Variants in MMP17 observed in about 807,000 individuals in gnomAD.
MMP17 encodes the protein matrix metallopeptidase 17, also known as matrix metalloproteinase-17.
Under a neutral mutation model 49.1 loss-of-function variants are expected in MMP17, and 54 were observed. That is an observed-to-expected ratio of 1.10 (90% CI 0.88 to 1.38). MMP17 has a LOEUF of 1.38. Ranked by LOEUF, MMP17 falls within the 40% of genes most tolerant of loss-of-function variation. MMP17 has a pLI of 0.00. For synonymous variants in MMP17, 397 were observed against 383.1 expected (o/e 1.04, Z -0.42); for missense variants, 837 against 853.7 (o/e 0.98, Z 0.24).
chr12:131,834,524 G>C (rs575871057), intron 1 of MMP17, among the ~76,000 whole-genome samples: 3 of 152,162 alleles, frequency 2.0e-5, no homozygotes, highest in Non-Finnish European at 4.4e-5. Context: ...GGGGGCAGGG[G>C]GCAGGGAGGG....
Position 131,845,174 on chromosome 12 carries a change from T to G in MMP17, c.1025T>G (p.Ile342Ser). 1 of 1,614,030 alleles carries G rather than the reference T, an allele frequency of 6.2e-7. No homozygotes were observed. The highest frequency in any genetic ancestry group is 1.1e-5 in the South Asian group (1 of 91,082). ...CSTHFDAVAQ[I>S]RGEAFFFKGK... ...ACTCACTTTGACGCGGTGGCCCAGA[T>G]CCGGGGTGAAGCTTTCTTCTTCAAA... Residue 342 changes from isoleucine (I) to serine (S), a missense_variant, in exon 7 of 10, where the codon ATC becomes AGC. Ile to Ser is a moderately radical substitution (Grantham distance 142). Transcript: ENST00000360564.
At chr12:131,829,234 G>A (rs1886670647) in intron 1 of MMP17, among the ~76,000 whole-genome samples, 2 of 152,312 alleles carry the variant, frequency 1.3e-5, no homozygotes, top group East Asian at 3.9e-4. Context: ...TCCACCCCAG[G>A]TCGGCCAGGC....
chr12:131,831,827 CTGG>C (rs1886816488), intron 1 of MMP17, among the ~76,000 whole-genome samples: 11 of 41,068 alleles, frequency 2.7e-4, no homozygotes, highest in East Asian at 2.7e-3. Context: ...TGGAGAGGAT[CTGG>C]GGGGGGACGG....
chr12:131,850,992 C>T lies in MMP17; in HGVS notation c.1530C>T (p.Pro510=), dbSNP rs1272298561. 8.3e-6 allele frequency: 13 copies of T among 1,567,016 alleles called. No homozygotes were observed. The highest frequency in any genetic ancestry group is 2.4e-5 in the East Asian group (1 of 41,786). Residue 510 remains proline, a synonymous_variant, in exon 10 of 10, where the codon CCC becomes CCT. Coordinates refer to ENST00000360564, the MANE Select transcript of MMP17 (RefSeq NM_016155.7). The stretch of plus-strand genomic sequence containing the variant: ...TGGATGGCGAGCTGGAGGTGGCACC[C>T]GGGTACCCACAGTCCACGGCCCGGG... ...KVLDGELEVA[P]GYPQSTARDW... is the part of the protein sequence containing the mutation.
At chr12:131,828,704 T>C in intron 1 of MMP17, 51 bp downstream of exon 1, 1 of 207,580 alleles carries the variant, frequency 4.8e-6, no homozygotes. Context: ...GAGCCGGGGG[T>C]CTCCGCGGGC....
chr12:131,835,797 C>T (rs1432132503), intron 1 of MMP17, among the ~76,000 whole-genome samples: 1 of 152,182 alleles, frequency 6.6e-6, no homozygotes, highest in Non-Finnish European at 1.5e-5. Context: ...CTATTGTAAC[C>T]ATGAGGCACA....
Position 131,828,633 on chromosome 12 carries a change from G to A in MMP17, c.139G>A (p.Glu47Lys), listed in dbSNP as rs1886634099. Residue 47 changes from glutamate (E) to lysine (K), a missense_variant, in exon 1 of 10, where the codon GAG becomes AAG. Coordinates refer to ENST00000360564, the MANE Select transcript of MMP17 (RefSeq NM_016155.7). ...CGCGCCCGCACCCGCGCCGCGCGCCGAGGACCTCAGCCTGGGAGTGGTGAG... is the reference window on the plus strand; with the variant it reads ...CGCGCCCGCACCCGCGCCGCGCGCCAAGGACCTCAGCCTGGGAGTGGTGAG... ...CAAPAPAPRA[E>K]DLSLGVEWLS... is the part of the protein sequence containing the mutation. The A allele has an allele frequency of 1.5e-6, 1 of 685,688 alleles. No individual in the cohort carries two copies. Among genetic ancestry groups the A allele is most frequent in the Non-Finnish European group, 1.8e-6 (1 of 541,942 alleles). The allele number at this position is 685,688 out of a possible 1,614,324, so 42.5% of individuals were successfully genotyped here.
intron 3 of MMP17, 184 bp from the exon 4 acceptor site, chr12:131,840,389 T>C (rs1887323662): frequency 5.1e-6 from 3 of 591,580 alleles, no homozygotes; most frequent in Admixed American, 6.1e-5. Context: ...CCGTCATCTA[T>C]CCCAGTGAAC....
chr12:131,843,543 G>A (rs150367188), intron 5 of MMP17, among the ~76,000 whole-genome samples: 9 of 152,258 alleles, frequency 5.9e-5, no homozygotes, highest in Non-Finnish European at 1.0e-4. Flanking sequence ...CACTGTGCCC[G>A]GCCCGGCTTC....
At chr12:131,850,152 G>A (rs1887902681) in intron 9 of MMP17, 93 bp downstream of exon 9, 2 of 1,448,924 alleles carry the variant, frequency 1.4e-6, no homozygotes, top group Admixed American at 4.9e-5. Context: ...TTCCCTGAAA[G>A]GAGGACGGCC....
chr12:131,847,336 C>T (rs1887760957), intron 8 of MMP17, among the ~76,000 whole-genome samples: 1 of 149,908 alleles, frequency 6.7e-6, no homozygotes. Context: ...TGGCGTGAAC[C>T]TGGGAGGCGG....
chr12:131,847,854 C>T (rs910333932), intron 8 of MMP17, among the ~76,000 whole-genome samples: 6 of 152,170 alleles, frequency 3.9e-5, no homozygotes, highest in African/African-American at 1.2e-4. Context: ...GGGTCTCTTG[C>T]CACAGGCCGT....
intron 1 of MMP17, among the ~76,000 whole-genome samples, chr12:131,833,494 G>C (rs367684537): frequency 1.2e-4 from 19 of 152,326 alleles, no homozygotes; most frequent in African/African-American, 4.1e-4. Flanking sequence ...GCTGGAGCAA[G>C]GGGGTCACTC....
chr12:131,845,262 T>C (rs11611232), intron 7 of MMP17, 35 bp from the exon 8 acceptor site: 207,942 of 1,613,220 alleles, frequency 0.13, 17,734 homozygotes, highest in African/African-American at 0.44. Context: ...GTGCAGACCG[T>C]CTCTGCAGCC....
chr12:131,833,534 G>C (rs551931087), intron 1 of MMP17, among the ~76,000 whole-genome samples: 1 of 152,338 alleles, frequency 6.6e-6, no homozygotes, highest in South Asian at 2.1e-4. Flanking sequence ...AGAGGAGGCC[G>C]GTGCAGGGGA....
intron 5 of MMP17, 61 bp downstream of exon 5, chr12:131,841,861 A>G (rs113036794): frequency 0.084 from 124,504 of 1,482,550 alleles, 5,602 homozygotes; most frequent in Middle Eastern, 0.13. Flanking sequence ...AACCCCAGGC[A>G]CCCCTGAGCA....
Position 131,841,728 on chromosome 12 carries a change from C to T in MMP17, c.811C>T (p.Gln271Ter). Reference sequence around the variant, plus strand: ...ACACTCCATCATGCGGCCGTACTACCAGGGCCCGGTGGGTGACCCGCTGCG... The same window carrying T: ...ACACTCCATCATGCGGCCGTACTACTAGGGCCCGGTGGGTGACCCGCTGCG... The part of the protein sequence containing the change: ...AAHSIMRPYY[Q>*]GPVGDPLRYG... Residue 271 changes from glutamine (Q) to a stop codon, truncating the protein, a stop_gained, in exon 5 of 10, where the codon CAG becomes TAG. Coordinates refer to ENST00000360564, the MANE Select transcript of MMP17 (RefSeq NM_016155.7). LOFTEE classifies it high-confidence loss of function. 1 of 1,613,672 alleles carries T rather than the reference C, an allele frequency of 6.2e-7. No homozygotes were observed. Among genetic ancestry groups the T allele is most frequent in the Non-Finnish European group, 8.5e-7 (1 of 1,179,930 alleles).
Position 131,841,716 on chromosome 12 carries a change from C to T in MMP17, c.799C>T (p.Arg267Trp), listed in dbSNP as rs774471246. The change falls in exon 5 of 10, where the codon CGG becomes TGG. Residue 267 changes from arginine to tryptophan, a missense_variant. Arg to Trp is a moderately radical substitution (Grantham distance 101, BLOSUM62 -3). Transcript: ENST00000360564. Reference sequence around the variant, plus strand: ...TGTGGCCGCTGCACACTCCATCATGCGGCCGTACTACCAGGGCCCGGTGGG... The same window carrying T: ...TGTGGCCGCTGCACACTCCATCATGTGGCCGTACTACCAGGGCCCGGTGGG... The part of the protein sequence containing the change: ...SHVAAAHSIM[R>W]PYYQGPVGDP... The T allele has an allele frequency of 8.5e-5, 137 of 1,613,720 alleles. No individual in the cohort carries two copies. In the Middle Eastern group the frequency reaches 1.0e-3, roughly 12 times the overall value.
At chr12:131,845,493 T>C in intron 8 of MMP17, 44 bp downstream of exon 8, 1 of 1,525,654 alleles carries the variant, frequency 6.6e-7, no homozygotes, top group Admixed American at 1.9e-5. Context: ...CCGGGCCCTC[T>C]GTCCGCCTCA....
Sources: allele counts gnomAD v4.1 joint callset (sites outside exome capture counted in the v4.1 genomes callset), GRCh38; gene constraint gnomAD v4.1.1; transcripts MANE v1.5; gene names NCBI Gene and HGNC (gene_info 2026-07-23, HGNC 2026-07-21).